The following CLVS1 variants were observed in gnomAD, a reference collection of about 807,000 sequenced individuals.
CLVS1 encodes the protein clavesin 1.
Under a neutral mutation model 33.1 loss-of-function variants are expected in CLVS1, and 10 were observed. The observed-to-expected ratio is 0.30, with a 90% CI of 0.19 to 0.51. CLVS1 has a LOEUF of 0.51. CLVS1 is among the 20% of genes least tolerant of loss of function. CLVS1 has a pLI of 0.97. For synonymous variants in CLVS1, 163 were observed against 166.1 expected, an observed-to-expected ratio of 0.98 and a Z score of 0.14; for missense variants, 343 against 433.4, an observed-to-expected ratio of 0.79 and a Z score of 1.85.
chr8:61,128,287 C>T (rs373199231), intron 1 of CLVS1, among the ~76,000 whole-genome samples: 3 of 152,164 alleles, frequency 2.0e-5, no homozygotes, highest in East Asian at 3.8e-4. Flanking sequence ...AGGGGTAAGG[C>T]CTAAATTGCT....
intron 5 of CLVS1, among the ~76,000 whole-genome samples, chr8:61,459,933 G>A (rs1817313917): frequency 6.6e-6 from 1 of 152,066 alleles, no homozygotes; most frequent in East Asian, 1.9e-4. Flanking sequence ...TTCTCCATGC[G>A]TCCTTACACG....
intron 2 of CLVS1, among the ~76,000 whole-genome samples, chr8:61,266,963 G>A (rs1809321933): frequency 6.6e-6 from 1 of 152,184 alleles, no homozygotes; most frequent in African/African-American, 2.4e-5. Context: ...CCAACACTGT[G>A]GAGCCACACA....
chr8:61,279,066 G>A (rs1004266150), intron 2 of CLVS1, among the ~76,000 whole-genome samples: 5 of 152,234 alleles, frequency 3.3e-5, no homozygotes, highest in African/African-American at 7.2e-5. Flanking sequence ...ATTTTAGGGT[G>A]TGGGAGCCGG....
chr8:61,219,634 A>G (rs765711829), intron 2 of CLVS1, among the ~76,000 whole-genome samples: 8 of 152,098 alleles, frequency 5.3e-5, no homozygotes, highest in Admixed American at 1.3e-4. Flanking sequence ...TTTATAGTAG[A>G]GTGATTTATA....
intron 2 of CLVS1, among the ~76,000 whole-genome samples, chr8:61,250,164 T>C (rs1026689305): frequency 4.6e-5 from 7 of 152,228 alleles, no homozygotes; most frequent in African/African-American, 7.2e-5. Context: ...ACACCATCTA[T>C]TCAATAGGGA....
the CLVS1 span, among the ~76,000 whole-genome samples, chr8:60,996,998 A>G: frequency 6.6e-6 from 1 of 151,586 alleles, no homozygotes; most frequent in Non-Finnish European, 1.5e-5. Flanking sequence ...ACAGCAATGT[A>G]TATTTCAAGA....
intron 1 of CLVS1, among the ~76,000 whole-genome samples, chr8:61,105,156 C>A (rs1264600001): frequency 6.6e-6 from 1 of 152,148 alleles, no homozygotes; most frequent in Non-Finnish European, 1.5e-5. Flanking sequence ...AAAAGACTAA[C>A]TATATTTGAG....
At chr8:61,498,214 C>T (rs1804336443) in intron 5 of CLVS1, among the ~76,000 whole-genome samples, 1 of 152,064 alleles carries the variant, frequency 6.6e-6, no homozygotes, top group African/African-American at 2.4e-5. Flanking sequence ...ACAGTGTGAC[C>T]TAAAGCCCAG....
chr8:61,018,974 A>T, the CLVS1 span, among the ~76,000 whole-genome samples: 1 of 152,234 alleles, frequency 6.6e-6, no homozygotes, highest in African/African-American at 2.4e-5. Context: ...TTAGTGACTT[A>T]CATGGTGTGT....
chr8:61,266,620 C>G (rs894145190), intron 2 of CLVS1, among the ~76,000 whole-genome samples: 1 of 152,164 alleles, frequency 6.6e-6, no homozygotes, highest in African/African-American at 2.4e-5. Flanking sequence ...CCTCTTTGCT[C>G]CTTCCTGTAA....
At chr8:60,970,150 A>C in the CLVS1 span, among the ~76,000 whole-genome samples, 1 of 152,196 alleles carries the variant, frequency 6.6e-6, no homozygotes, top group Non-Finnish European at 1.5e-5. Context: ...CTCTGGATTA[A>C]AGTTGTTCTT....
At chr8:61,065,881 A>G (rs1056444640) in intron 1 of CLVS1, among the ~76,000 whole-genome samples, 2 of 152,222 alleles carry the variant, frequency 1.3e-5, no homozygotes, top group Admixed American at 6.5e-5. Context: ...CAGTATAAAA[A>G]TGATTAATAG....
At chr8:61,118,054 G>C (rs1411302740) in intron 1 of CLVS1, among the ~76,000 whole-genome samples, 1 of 152,096 alleles carries the variant, frequency 6.6e-6, no homozygotes, top group Admixed American at 6.5e-5. Flanking sequence ...TTCAGATCCT[G>C]TTATTGGTCT....
chr8:60,989,147 G>A, the CLVS1 span, among the ~76,000 whole-genome samples: 10 of 151,946 alleles, frequency 6.6e-5, no homozygotes, highest in African/African-American at 1.5e-4. Flanking sequence ...GATTACAGGC[G>A]TGAGCCACTG....
At chr8:61,429,744 A>G (rs1302320446) in intron 3 of CLVS1, among the ~76,000 whole-genome samples, 1 of 152,242 alleles carries the variant, frequency 6.6e-6, no homozygotes, top group East Asian at 1.9e-4. Context: ...GCTTAATTGT[A>G]TAATTTTCAA....
chr8:61,023,963 G>A, the CLVS1 span, among the ~76,000 whole-genome samples: 1 of 152,154 alleles, frequency 6.6e-6, no homozygotes, highest in Non-Finnish European at 1.5e-5. Flanking sequence ...CGCGCCTCCC[G>A]TTCTTCTTTA....
At chr8:61,437,246 G>A (rs568778556) in intron 3 of CLVS1, among the ~76,000 whole-genome samples, 5 of 152,286 alleles carry the variant, frequency 3.3e-5, no homozygotes, top group African/African-American at 1.2e-4. Flanking sequence ...ATTCTCTTTG[G>A]AAATTGAATG....
intron 1 of CLVS1, among the ~76,000 whole-genome samples, chr8:61,090,092 C>G (rs1163129357): frequency 6.6e-6 from 1 of 152,236 alleles, no homozygotes; most frequent in Non-Finnish European, 1.5e-5. Flanking sequence ...TCAGCATCCT[C>G]TGGGCACCAC....
the CLVS1 span, among the ~76,000 whole-genome samples, chr8:61,029,749 G>A: frequency 6.6e-6 from 1 of 152,050 alleles, no homozygotes; most frequent in Non-Finnish European, 1.5e-5. Flanking sequence ...CCCTCCCCTA[G>A]GAGAAACAAA....
Sources: allele counts gnomAD v4.1 joint callset (sites outside exome capture counted in the v4.1 genomes callset), GRCh38; gene constraint gnomAD v4.1.1; transcripts MANE v1.5; gene names NCBI Gene and HGNC (gene_info 2026-07-23, HGNC 2026-07-21).